PAK5: variants seen among roughly 807,000 people sequenced by gnomAD.
PAK5 encodes the protein p21 (RAC1) activated kinase 5.
In PAK5, 16 loss-of-function variants were observed where a neutral mutation model predicts 65.9. The observed-to-expected ratio is 0.24, with a 90% CI of 0.16 to 0.37. PAK5 has a LOEUF of 0.37. PAK5 is among the 10% of genes least tolerant of loss of function. The pLI is 1.00. For missense variants in PAK5, 785 were observed against 903.9 expected, an observed-to-expected ratio of 0.87 and a Z score of 1.69; for synonymous variants, 371 against 354.9, an observed-to-expected ratio of 1.05 and a Z score of -0.51.
chr20:9,733,537 C>T lies in PAK5; in HGVS notation c.-161-22102G>A, dbSNP rs188702890. On this transcript the variant is annotated intron_variant, in intron 1 of 9. Transcript: ENST00000353224. ...TTGGTTCACTGCAACCTCTGCCTCC[C>T]AGGTTCAAGCAGTTCTCCTGCCTCA... Among the ~76,000 whole-genome samples the T allele has an allele frequency of 3.7e-3, 563 of 152,118 alleles. 4 individuals carry two copies. Among genetic ancestry groups the T allele is most frequent in the Non-Finnish European group, 4.0e-3 (270 of 67,988 alleles).
Position 9,838,205 on chromosome 20 carries a change from G to GCACACA in PAK5, c.-162+551_-162+556dup, listed in dbSNP as rs34591396. ...GGCGCGCGCGCACACACACACGCGC[G>GCACACA]CACACACACACACACACAAATAACA... On this transcript the variant is annotated intron_variant, in intron 1 of 9. Coordinates refer to ENST00000353224, the MANE Select transcript of PAK5 (RefSeq NM_177990.4). This position sits in a 1 kb window ranked among gnomAD's most constrained non-coding sequence, Gnocchi z 4.5. 1.4e-3 allele frequency among the ~76,000 whole-genome samples: 213 copies of GCACACA among 150,586 alleles called. 3 individuals carry two copies. The East Asian group carries it at 0.026, about 18-fold the overall frequency.
intron 3 of PAK5, among the ~76,000 whole-genome samples, chr20:9,590,889 T>G (rs914313600): frequency 6.6e-6 from 1 of 152,180 alleles, no homozygotes; most frequent in African/African-American, 2.4e-5. Context: ...ACTGGCCAAG[T>G]TCTTGCTGGG....
intron 1 of PAK5, among the ~76,000 whole-genome samples, chr20:9,837,606 G>A (rs1370790436): frequency 2.0e-5 from 3 of 152,170 alleles, no homozygotes; most frequent in Non-Finnish European, 4.4e-5. Context: ...TAGTGTAGGA[G>A]GGACTTCTAA....
intron 1 of PAK5, among the ~76,000 whole-genome samples, chr20:9,828,885 A>G (rs1308215507): frequency 6.6e-6 from 1 of 151,476 alleles, no homozygotes; most frequent in Non-Finnish European, 1.5e-5. Context: ...TCCTTCCCCC[A>G]TTATGTAAGT....
At chr20:9,797,965 A>C (rs1016008439) in intron 1 of PAK5, among the ~76,000 whole-genome samples, 1 of 152,132 alleles carries the variant, frequency 6.6e-6, no homozygotes, top group South Asian at 2.1e-4. Context: ...AGAGAAGAGA[A>C]GTACCCCAAC....
intron 1 of PAK5, among the ~76,000 whole-genome samples, chr20:9,779,518 T>C (rs2123694528): frequency 6.6e-6 from 1 of 151,786 alleles, no homozygotes; most frequent in Non-Finnish European, 1.5e-5. Flanking sequence ...AGCATCAGAT[T>C]TGATGCTTCA....
At chr20:9,713,083 C>A (rs2897407) in intron 1 of PAK5, among the ~76,000 whole-genome samples, 7 of 152,160 alleles carry the variant, frequency 4.6e-5, no homozygotes, top group Admixed American at 1.3e-4. Context: ...AAGAGACAAT[C>A]TACAGTATGA....
intron 1 of PAK5, among the ~76,000 whole-genome samples, chr20:9,733,667 A>T (rs1218946768): frequency 6.6e-6 from 1 of 151,500 alleles, no homozygotes; most frequent in East Asian, 1.9e-4. Flanking sequence ...CTGGTCTTGA[A>T]CTCCCGACCT....
At chr20:9,620,071 C>T (rs370341987) in intron 3 of PAK5, among the ~76,000 whole-genome samples, 18 of 152,282 alleles carry the variant, frequency 1.2e-4, no homozygotes, top group African/African-American at 3.4e-4. Flanking sequence ...ATAACATGGA[C>T]GGAAGTTCTG....
chr20:9,736,478 T>G (rs2048390613), intron 1 of PAK5, among the ~76,000 whole-genome samples: 1 of 152,194 alleles, frequency 6.6e-6, no homozygotes, highest in Admixed American at 6.5e-5. Context: ...TTAAGTTTAT[T>G]GTGCATATAA....
chr20:9,603,043 GAACC>G, intron 3 of PAK5, among the ~76,000 whole-genome samples: 1 of 152,316 alleles, frequency 6.6e-6, no homozygotes, highest in South Asian at 2.1e-4. Context: ...TCTTAGCAAA[GAACC>G]CAGGAAGGTG....
Position 9,544,323 on chromosome 20 carries a change from G to C in PAK5, c.1869+46C>G, listed in dbSNP as rs186552490. The C allele has an allele frequency of 9.7e-5, 155 of 1,602,154 alleles. No individual in the cohort carries two copies. The African/African-American group carries it at 2.0e-3, about 20-fold the overall frequency. On this transcript the variant is annotated intron_variant, in intron 8 of 9. Transcript: ENST00000353224. Reference sequence around the variant, plus strand: ...ACTATCTCAGAACCAATGGGTCCCTGAGCCTGTCCCCAGTCCTGCCACGCC... The same window carrying C: ...ACTATCTCAGAACCAATGGGTCCCTCAGCCTGTCCCCAGTCCTGCCACGCC...
At chr20:9,776,910 G>A (rs763909237) in intron 1 of PAK5, among the ~76,000 whole-genome samples, 5 of 152,070 alleles carry the variant, frequency 3.3e-5, no homozygotes, top group Non-Finnish European at 7.4e-5. Flanking sequence ...GAAACATGGT[G>A]GTAATTTGCT....
intron 3 of PAK5, among the ~76,000 whole-genome samples, chr20:9,618,614 C>T (rs2046706700): frequency 6.6e-6 from 1 of 151,596 alleles, no homozygotes; most frequent in Non-Finnish European, 1.5e-5. Flanking sequence ...GGGGTTTCAC[C>T]ATGTTGTCCA....
intron 2 of PAK5, among the ~76,000 whole-genome samples, chr20:9,672,078 CA>C (rs912242557): frequency 2.0e-5 from 3 of 150,860 alleles, no homozygotes; most frequent in Admixed American, 6.6e-5. Flanking sequence ...CGAGGAAGGA[CA>C]AAAAAAACTA....
At chr20:9,714,675 C>T (rs763563977) in intron 1 of PAK5, among the ~76,000 whole-genome samples, 1 of 152,172 alleles carries the variant, frequency 6.6e-6, no homozygotes, top group Non-Finnish European at 1.5e-5. Context: ...ACCAAAACAG[C>T]ATGGTACTGG....
At chr20:9,690,010 T>C (rs553075457) in intron 2 of PAK5, among the ~76,000 whole-genome samples, 4 of 152,164 alleles carry the variant, frequency 2.6e-5, no homozygotes, top group African/African-American at 4.8e-5. Context: ...CTCTAGATAT[T>C]TGAAAAAAAC....
chr20:9,780,118 G>A (rs377660119), intron 1 of PAK5, among the ~76,000 whole-genome samples: 8 of 152,148 alleles, frequency 5.3e-5, no homozygotes, highest in African/African-American at 1.9e-4. Flanking sequence ...AACTTTTCTA[G>A]ATTTGTGGTA....
At chr20:9,682,143 G>A (rs1010227337) in intron 2 of PAK5, among the ~76,000 whole-genome samples, 4 of 152,150 alleles carry the variant, frequency 2.6e-5, no homozygotes, top group Non-Finnish European at 5.9e-5. Context: ...GGATCACGAG[G>A]TCAGGAGATC....
Sources: allele counts gnomAD v4.1 joint callset (sites outside exome capture counted in the v4.1 genomes callset), GRCh38; gene constraint gnomAD v4.1.1; non-coding constraint Gnocchi (gnomAD v3.1); transcripts MANE v1.5; gene names NCBI Gene and HGNC (gene_info 2026-07-23, HGNC 2026-07-21).